AIMP1: variants seen among roughly 807,000 people sequenced by gnomAD.
AIMP1 encodes aminoacyl tRNA synthetase complex interacting multifunctional protein 1.
In AIMP1, 24 loss-of-function variants were observed where a neutral mutation model predicts 33.1. The ratio of observed to expected loss-of-function variants is 0.73; its 90% confidence interval spans 0.53 to 1.02. The LOEUF (loss-of-function observed/expected upper bound fraction) is 1.02, where lower values mean the gene tolerates loss of function less well. AIMP1 is among the 50% of genes least tolerant of loss of function. The pLI, the probability that AIMP1 is intolerant of heterozygous loss-of-function variation, is 0.00. For missense variants in AIMP1, 367 were observed against 364.8 expected (o/e 1.01, Z -0.05); for synonymous variants, 120 against 121.5 (o/e 0.99, Z 0.08).
At chr4:106,326,520 C>A (rs981621783) in intron 2 of AIMP1, among the ~76,000 whole-genome samples, 17 of 152,096 alleles carry the variant, frequency 1.1e-4, no homozygotes, top group African/African-American at 4.1e-4. Flanking sequence ...ACTTTTGTTA[C>A]CCCATTGCAC....
chr4:106,327,616 T>C (rs531770326), intron 3 of AIMP1, 52 bp downstream of exon 3: 85 of 1,323,730 alleles, frequency 6.4e-5, no homozygotes, highest in South Asian at 3.6e-4. Flanking sequence ...AGTTGGCCAG[T>C]CACACCAACA....
intron 5 of AIMP1, among the ~76,000 whole-genome samples, chr4:106,336,252 C>T (rs1342973840): frequency 2.4e-4 from 34 of 142,326 alleles, no homozygotes; most frequent in Non-Finnish European, 4.1e-4. Flanking sequence ...ATGCTGGTCT[C>T]GAAAAAAAAA....
chr4:106,338,567 T>C (rs1461298701), intron 6 of AIMP1, among the ~76,000 whole-genome samples: 2 of 152,182 alleles, frequency 1.3e-5, no homozygotes, highest in African/African-American at 4.8e-5. Flanking sequence ...AACCTCCGCC[T>C]AGATTTCAGA....
chr4:106,329,989 G>T (rs1416946817), intron 4 of AIMP1, among the ~76,000 whole-genome samples: 1 of 151,758 alleles, frequency 6.6e-6, no homozygotes, highest in Non-Finnish European at 1.5e-5. Context: ...CACCATATTG[G>T]TCAGGCTGGT....
At chr4:106,320,641 A>T (rs988546996) in intron 1 of AIMP1, among the ~76,000 whole-genome samples, 3 of 151,016 alleles carry the variant, frequency 2.0e-5, no homozygotes, top group East Asian at 3.9e-4. Context: ...GAAGAACAGC[A>T]TCATTAATGG....
At chr4:106,319,637 C>A (rs1324355476) in intron 1 of AIMP1, among the ~76,000 whole-genome samples, 1 of 152,310 alleles carries the variant, frequency 6.6e-6, no homozygotes, top group East Asian at 1.9e-4. Flanking sequence ...CATACTTGGT[C>A]TACAGTTTTC....
rs1442677905 is a variant in AIMP1, at chr4:106,347,712, G to T, written c.*20G>T. 1.9e-6 allele frequency: 3 copies of T among 1,608,412 alleles called. No homozygotes were observed. Among genetic ancestry groups the T allele is most frequent in the Non-Finnish European group, 2.5e-6 (3 of 1,177,182 alleles). Reference sequence around the variant, plus strand: ...AAATAAAATGCTTCCACTACCAAAAGACATTAGAGAAAACCTTAAAAGTAA... The same window carrying T: ...AAATAAAATGCTTCCACTACCAAAATACATTAGAGAAAACCTTAAAAGTAA... On this transcript the variant is annotated 3_prime_UTR_variant, in exon 7 of 7. Coordinates refer to ENST00000672341, the MANE Select transcript of AIMP1 (RefSeq NM_001142416.2).
intron 5 of AIMP1, among the ~76,000 whole-genome samples, chr4:106,335,360 G>T (rs1321174665): frequency 2.6e-5 from 4 of 151,622 alleles, no homozygotes; most frequent in African/African-American, 9.7e-5. Flanking sequence ...TCTTCCAGCA[G>T]CCATCATTCA....
intron 4 of AIMP1, among the ~76,000 whole-genome samples, chr4:106,331,147 C>T (rs1281521290): frequency 6.6e-6 from 1 of 152,134 alleles, no homozygotes; most frequent in Non-Finnish European, 1.5e-5. Flanking sequence ...TTGCATTCTG[C>T]TCTAGTTCAT....
At chr4:106,325,195 G>A (rs971481853) in intron 2 of AIMP1, 77 bp downstream of exon 2, 209 of 1,315,104 alleles carry the variant, frequency 1.6e-4, no homozygotes, top group East Asian at 6.1e-4. Context: ...AATGTTTACC[G>A]CTTTAAGTTA....
chr4:106,346,217 G>A (rs1770291344), intron 6 of AIMP1, among the ~76,000 whole-genome samples: 1 of 152,002 alleles, frequency 6.6e-6, no homozygotes, highest in Non-Finnish European at 1.5e-5. Context: ...TAGAGGAGCT[G>A]TTTGGTACAT....
chr4:106,321,747 G>A (rs572716176), intron 1 of AIMP1, among the ~76,000 whole-genome samples: 1 of 152,232 alleles, frequency 6.6e-6, no homozygotes, highest in African/African-American at 2.4e-5. Context: ...CAGTTTTGTC[G>A]AATAGAAAAG....
At chr4:106,334,136 C>T (rs1316032185) in intron 5 of AIMP1, among the ~76,000 whole-genome samples, 1 of 152,134 alleles carries the variant, frequency 6.6e-6, no homozygotes, top group Non-Finnish European at 1.5e-5. Context: ...TACTCTGCTG[C>T]TTGTTGGTTT....
intron 6 of AIMP1, among the ~76,000 whole-genome samples, chr4:106,341,039 G>A (rs1257971433): frequency 1.3e-5 from 2 of 152,156 alleles, no homozygotes; most frequent in South Asian, 2.1e-4. Context: ...ATTTGTTGGC[G>A]ACATATATGT....
In AIMP1 at chr4:106,337,041, G is replaced by T; in HGVS notation, c.772+4G>T. On this transcript the variant is annotated splice_donor_region_variant and intron_variant, in intron 6 of 6. Coordinates refer to ENST00000672341, the MANE Select transcript of AIMP1 (RefSeq NM_001142416.2). The stretch of plus-strand genomic sequence containing the variant: ...ATTACTTTTGATGCTTTCCCAGGTA[G>T]GTATTTATTAGTAATTACTTAATAG... 6.2e-7 allele frequency: 1 copy of T among 1,612,574 alleles called. No individual in the cohort carries two copies. Among genetic ancestry groups the T allele is most frequent in the Non-Finnish European group, 8.5e-7 (1 of 1,178,734 alleles).
chr4:106,331,758 G>C lies in AIMP1; in HGVS notation c.478G>C (p.Gly160Arg), dbSNP rs367982035. Residue 160 changes from glycine to arginine, a missense_variant, in exon 5 of 7, where the codon GGT becomes CGT. By Grantham distance (125) the Gly-to-Arg change is moderately radical. Coordinates refer to ENST00000672341, the MANE Select transcript of AIMP1 (RefSeq NM_001142416.2). ...TGTTTCCCGTCTGGATCTTCGAATT[G>C]GTTGCATCATAACTGCTAGAAAACA... ...IDVSRLDLRI[G>R]CIITARKHPD... 1.2e-6 allele frequency: 2 copies of C among 1,613,920 alleles called. No homozygotes were observed. The highest frequency in any genetic ancestry group is 8.5e-7 in the Non-Finnish European group (1 of 1,179,988).
rs1018801653 is a variant in AIMP1 at position 106,349,157 on chromosome 4, T to C, written c.*1465T>C. The C allele has an allele frequency of 6.6e-6, 1 of 152,074 alleles. No homozygotes were observed. Among genetic ancestry groups the C allele is most frequent in the African/African-American group, 2.4e-5 (1 of 41,440 alleles). The allele number at this position is 152,074 out of a possible 1,614,324, so 9.4% of individuals were successfully genotyped here. A position where few individuals can be genotyped will look rare whatever the true frequency, so the allele number is the denominator to read the frequency against. Reference sequence around the variant, plus strand: ...CAATTGTTGGTACCTAAACACAAAATGAATTTCAAAAGTTACTTTGTTCTC... The same window carrying C: ...CAATTGTTGGTACCTAAACACAAAACGAATTTCAAAAGTTACTTTGTTCTC... On this transcript the variant is annotated 3_prime_UTR_variant, in exon 7 of 7. Coordinates refer to ENST00000672341, the MANE Select transcript of AIMP1 (RefSeq NM_001142416.2).
chr4:106,320,893 C>T (rs1313941881), intron 1 of AIMP1, among the ~76,000 whole-genome samples: 4 of 152,214 alleles, frequency 2.6e-5, no homozygotes, highest in African/African-American at 7.2e-5. Flanking sequence ...ATTGCAGGTG[C>T]GCGCCGCCAC....
intron 6 of AIMP1, among the ~76,000 whole-genome samples, chr4:106,338,710 C>T (rs1418701636): frequency 6.6e-6 from 1 of 152,206 alleles, no homozygotes. Flanking sequence ...CCCACTGGGG[C>T]ACTGCCTAGT....
Sources: gnomAD v4.1 joint callset for allele counts (sites outside exome capture counted in the v4.1 genomes callset) on GRCh38, gnomAD v4.1.1 for gene constraint, MANE v1.5 for transcripts, NCBI Gene and HGNC (gene_info 2026-07-23, HGNC 2026-07-21) for gene names.